The following MAN2B2 variants were observed in gnomAD, a reference collection of about 807,000 sequenced individuals.
MAN2B2 encodes epididymis-specific alpha-mannosidase.
In MAN2B2, 106 loss-of-function variants were observed where a neutral mutation model predicts 117.1. The observed-to-expected ratio is 0.90, with a 90% CI of 0.77 to 1.06. MAN2B2 has a LOEUF of 1.06. Among genes scored for constraint, MAN2B2 ranks in the 50% least tolerant of loss-of-function variants. The pLI, the probability that MAN2B2 is intolerant of heterozygous loss-of-function variation, is 0.00. For missense variants in MAN2B2, 1,326 were observed against 1,381.4 expected, an observed-to-expected ratio of 0.96 and a Z score of 0.64; for synonymous variants, 544 against 595.1, an observed-to-expected ratio of 0.91 and a Z score of 1.25.
chr4:6,592,816 G>A (rs1031806078), intron 5 of MAN2B2, among the ~76,000 whole-genome samples: 2 of 151,324 alleles, frequency 1.3e-5, no homozygotes, highest in Admixed American at 1.3e-4. Context: ...GTTCCTCATG[G>A]GTTTTTTGCA....
At position 6,575,471 on chromosome 4, in the gene MAN2B2, G is replaced by A. The variant is rs1452009578; in HGVS notation, c.138+123G>A. Reference sequence around the variant, plus strand: ...GCAGAAGGAGGCTCAGTGGGTTCAGGACCCCACGCTGCCATTGACTGGTTG... The same window carrying A: ...GCAGAAGGAGGCTCAGTGGGTTCAGAACCCCACGCTGCCATTGACTGGTTG... On this transcript the variant is annotated intron_variant, in intron 1 of 18. Transcript: ENST00000285599. 6.1e-6 allele frequency: 4 copies of A among 657,782 alleles called. No individual in the cohort carries two copies. In the East Asian group the frequency reaches 1.0e-4, roughly 17 times the overall value. The allele number at this position is 657,782 out of a possible 1,614,324, so 40.7% of individuals were successfully genotyped here.
At chr4:6,611,326 G>A (rs1478313071) in intron 15 of MAN2B2, 48 bp downstream of exon 15, 9 of 1,537,396 alleles carry the variant, frequency 5.9e-6, no homozygotes, top group African/African-American at 2.7e-5. Flanking sequence ...CTCAGCACCA[G>A]CCAGGCCAGG....
At chr4:6,592,609 G>C (rs1726900967) in intron 5 of MAN2B2, among the ~76,000 whole-genome samples, 1 of 152,150 alleles carries the variant, frequency 6.6e-6, no homozygotes, top group Non-Finnish European at 1.5e-5. Flanking sequence ...GTCTGTAAAA[G>C]AAACAGAGGT....
In MAN2B2 at chr4:6,575,271, G is replaced by T. The variant is rs1560631166; in HGVS notation, c.61G>T (p.Val21Phe). The change falls in exon 1 of 19, where the codon GTC becomes TTC. Residue 21 changes from valine (V) to phenylalanine (F), a missense_variant. Val to Phe is a conservative substitution (Grantham distance 50). Transcript: ENST00000285599. ...APLLLLRPPG[V>F]QSAGPIRAFV... is the part of the protein sequence containing the mutation. ...GCTCCTGTTGCTGCGACCGCCAGGG[G>T]TCCAGTCCGCCGGCCCCATCCGGGC... is the stretch of plus-strand genomic sequence containing the variant. 15 of 1,555,278 alleles carry T rather than the reference G, an allele frequency of 9.6e-6. No individual in the cohort carries two copies. Among genetic ancestry groups the T allele is most frequent in the Non-Finnish European group, 1.2e-5 (14 of 1,155,930 alleles).
rs776519238 is a variant in MAN2B2, at chr4:6,609,835, T to C, written c.2044T>C (p.Ser682Pro). The change falls in exon 13 of 19, where the codon TCC (serine) becomes CCC (proline). Residue 682 changes from serine to proline, a missense_variant. By Grantham distance (74) the Ser-to-Pro change is moderately conservative. Transcript: ENST00000285599. ...ACAGAATTACACGTATGCAATCCGC[T>C]CCCGGCTCACCCATGTGCCGCAGGG... is the stretch of plus-strand genomic sequence containing the variant. ...TAQNYTYAIR[S>P]RLTHVPQGHD... 1.2e-6 allele frequency: 2 copies of C among 1,613,992 alleles called. No homozygotes were observed. The highest frequency in any genetic ancestry group is 4.5e-5 in the East Asian group (2 of 44,880).
intron 15 of MAN2B2, 110 bp from the exon 16 acceptor site, chr4:6,614,108 C>T (rs1711732061): frequency 3.0e-6 from 4 of 1,355,474 alleles, no homozygotes; most frequent in Non-Finnish European, 4.1e-6. Context: ...CACAAGGATG[C>T]ATGGGAAGTG....
At chr4:6,598,492 C>T (rs1009120595) in intron 9 of MAN2B2, 138 bp downstream of exon 9, 34 of 923,044 alleles carry the variant, frequency 3.7e-5, no homozygotes, top group African/African-American at 6.7e-5. Flanking sequence ...GGTGAGAGCT[C>T]GGACAGGTGG....
At position 6,609,317 on chromosome 4, in the gene MAN2B2, C is replaced by A. The variant is rs376831952; in HGVS notation, c.2006+19C>A. 1.2e-4 allele frequency: 191 copies of A among 1,607,910 alleles called. No homozygotes were observed. The highest frequency in any genetic ancestry group is 1.6e-4 in the Non-Finnish European group (185 of 1,176,264). Reference sequence around the variant, plus strand: ...TCTACAGGTGCTTCCCCTGGGGTGACCCCCACAGCCCGGCACACAGTCAGC... The same window carrying A: ...TCTACAGGTGCTTCCCCTGGGGTGAACCCCACAGCCCGGCACACAGTCAGC... On this transcript the variant is annotated intron_variant, in intron 12 of 18. Transcript: ENST00000285599.
intron 2 of MAN2B2, 95 bp downstream of exon 2, chr4:6,576,819 A>T: frequency 6.7e-7 from 1 of 1,484,370 alleles, no homozygotes; most frequent in Non-Finnish European, 9.3e-7. Context: ...GGCCAGGGCC[A>T]GGCTGGCATA....
At chr4:6,617,694 T>C in intron 17 of MAN2B2, 1 of 955,200 alleles carries the variant, frequency 1.0e-6, no homozygotes, top group Non-Finnish European at 1.5e-6. Flanking sequence ...TTTTTGTGTA[T>C]ATGTGAGACA....
In MAN2B2 at chr4:6,582,249, G is replaced by A. The variant is rs952045820; in HGVS notation, c.391+3751G>A. ...CCCACTCCCTTCCCACTGAATCCGC[G>A]ATCCCTCTCCTGTGTCACAGACTCT... On this transcript the variant is annotated intron_variant, in intron 3 of 18. Transcript: ENST00000285599. 1.1e-4 allele frequency among the ~76,000 whole-genome samples: 17 copies of A among 152,038 alleles called. 1 individual carries two copies. Among genetic ancestry groups the A allele is most frequent in the Non-Finnish European group, 2.9e-5 (2 of 67,980 alleles).
intron 16 of MAN2B2, 118 bp from the exon 17 acceptor site, chr4:6,617,262 T>C: frequency 1.4e-6 from 1 of 719,736 alleles, no homozygotes; most frequent in South Asian, 1.7e-5. Flanking sequence ...AGCCAAACCA[T>C]ATCGAGGAGG....
intron 15 of MAN2B2, among the ~76,000 whole-genome samples, chr4:6,611,831 G>A (rs536204375): frequency 1.3e-5 from 2 of 152,290 alleles, no homozygotes; most frequent in South Asian, 4.2e-4. Context: ...TCTGAATCTA[G>A]GTGTGCTGTC....
intron 7 of MAN2B2, among the ~76,000 whole-genome samples, chr4:6,596,170 G>T (rs181380054): frequency 2.0e-5 from 3 of 151,480 alleles, no homozygotes; most frequent in Non-Finnish European, 3.0e-5. Flanking sequence ...GTATCCAGGC[G>T]GGTGTGGGTG....
chr4:6,604,522 G>T (rs1461951240), intron 10 of MAN2B2, among the ~76,000 whole-genome samples: 1 of 151,696 alleles, frequency 6.6e-6, no homozygotes, highest in Non-Finnish European at 1.5e-5. Context: ...GATGACTAGG[G>T]GGTAGGGGTG....
chr4:6,621,142 G>A, intron 18 of MAN2B2, 46 bp from the exon 19 acceptor site: 2 of 1,406,564 alleles, frequency 1.4e-6, no homozygotes, highest in Non-Finnish European at 2.0e-6. Flanking sequence ...GAGGCTGGGA[G>A]GAGGCATCCC....
At chr4:6,598,481 TG>T (rs1366823373) in intron 9 of MAN2B2, 127 bp downstream of exon 9, 1 of 1,031,938 alleles carries the variant, frequency 9.7e-7, no homozygotes, top group African/African-American at 1.6e-5. Context: ...CCCTTCCCCA[TG>T]GTGAGAGCTC....
Position 6,623,356 on chromosome 4 carries a change from A to C in MAN2B2, c.*2071A>C, listed in dbSNP as rs1401827492. ...AGTGAGACTCCGTCTCAAAAAAAAAAAAAAAAGGAAGACTACGGAGGCCAG... is the reference window on the plus strand; with the variant it reads ...AGTGAGACTCCGTCTCAAAAAAAAACAAAAAAGGAAGACTACGGAGGCCAG... On this transcript the variant is annotated 3_prime_UTR_variant, in exon 19 of 19. Coordinates refer to ENST00000285599, the MANE Select transcript of MAN2B2 (RefSeq NM_015274.3). The C allele has an allele frequency of 6.6e-6, 1 of 151,516 alleles. No homozygotes were observed. The highest frequency in any genetic ancestry group is 6.6e-5 in the Admixed American group (1 of 15,256). 9.4% of individuals were successfully genotyped at this position (151,516 alleles called of 1,614,324 possible).
chr4:6,617,620 C>G, intron 17 of MAN2B2, 128 bp downstream of exon 17: 1 of 1,519,738 alleles, frequency 6.6e-7, no homozygotes, highest in East Asian at 2.5e-5. Flanking sequence ...ATGGGCCCCA[C>G]CCCGCCCTTC....
Sources: allele counts gnomAD v4.1 joint callset (sites outside exome capture counted in the v4.1 genomes callset), GRCh38; gene constraint gnomAD v4.1.1; transcripts MANE v1.5; gene names NCBI Gene and HGNC (gene_info 2026-07-23, HGNC 2026-07-21).